Variants in PPIL4 observed in about 807,000 individuals in gnomAD.
PPIL4 encodes peptidylprolyl isomerase like 4.
A neutral mutation model predicts 69.1 loss-of-function variants in PPIL4; 50 were observed. The ratio of observed to expected loss-of-function variants is 0.72; its 90% confidence interval spans 0.58 to 0.92. The LOEUF is 0.92. PPIL4 is among the 40% of genes least tolerant of loss of function. PPIL4 has a pLI of 0.00. For missense variants in PPIL4, 480 were observed against 587.9 expected (o/e 0.82, Z 1.90); for synonymous variants, 193 against 191.6 (o/e 1.01, Z -0.06).
At chr6:149,507,237 C>T (rs1267567090) in intron 12 of PPIL4, among the ~76,000 whole-genome samples, 5 of 152,170 alleles carry the variant, frequency 3.3e-5, no homozygotes, top group African/African-American at 1.2e-4. Context: ...TGTCTAGATA[C>T]TGTACACCTT....
chr6:149,532,423 A>G lies in PPIL4; in HGVS notation c.678+1035T>C, dbSNP rs1049862785. ...TATTCTTTCTGCCCAATTGTTCAAC[A>G]TATCTTTCAAGTGTAGTAATTCTCT... On this transcript the variant is annotated intron_variant, in intron 7 of 12. Coordinates refer to ENST00000253329, the MANE Select transcript of PPIL4 (RefSeq NM_139126.4). Among the ~76,000 whole-genome samples the G allele has an allele frequency of 4.6e-5, 7 of 152,168 alleles. No individual in the cohort carries two copies. The South Asian group carries it at 1.4e-3, about 31-fold the overall frequency.
At chr6:149,541,714 A>G in intron 1 of PPIL4, 128 bp from the exon 2 acceptor site, 1 of 579,596 alleles carries the variant, frequency 1.7e-6, no homozygotes, top group Non-Finnish European at 3.0e-6. Context: ...GTCCAAAGCT[A>G]TAAAAAAGGG....
rs1777229027 is a variant in PPIL4, at chr6:149,533,472, T to C, written c.664A>G (p.Ile222Val). 1.9e-6 allele frequency: 3 copies of C among 1,567,162 alleles called. No homozygotes were observed. The highest frequency in any genetic ancestry group is 1.7e-5 in the Admixed American group (1 of 59,914). The stretch of plus-strand genomic sequence containing the variant: ...AATTATCTTACCATCTCCAAAAGTA[T>C]AGCCTGAGTTTTAGCCTCTTTTTCT... ...KAEKEAKTQAILLEMVGDLPD... is the reference protein window; with the variant it reads ...KAEKEAKTQAVLLEMVGDLPD... The change falls in exon 7 of 13, where the codon ATA becomes GTA. Residue 222 changes from isoleucine (I) to valine (V), a missense_variant. Transcript: ENST00000253329.
At chr6:149,523,037 T>G (rs117556249) in intron 9 of PPIL4, among the ~76,000 whole-genome samples, 4 of 152,322 alleles carry the variant, frequency 2.6e-5, no homozygotes, top group East Asian at 1.9e-4. Context: ...CAACAAAGCT[T>G]CTAAAAATAA....
chr6:149,509,074 A>G (rs889429725), intron 12 of PPIL4, among the ~76,000 whole-genome samples: 3 of 152,234 alleles, frequency 2.0e-5, no homozygotes, highest in African/African-American at 7.2e-5. Flanking sequence ...TAATGTAGCT[A>G]TATCATTAAA....
rs547093537 is a variant in PPIL4, at chr6:149,538,393, G to A, written c.321+2549C>T. Among the ~76,000 whole-genome samples the A allele has an allele frequency of 2.6e-5, 4 of 152,250 alleles. No individual in the cohort carries two copies. In the South Asian group the frequency reaches 8.3e-4, roughly 32 times the overall value. Reference sequence around the variant, plus strand: ...ACAGCCTGACATGTGGCATGCACCTGTAGTCCCAGCTACTCAGGAGGCTGA... The same window carrying A: ...ACAGCCTGACATGTGGCATGCACCTATAGTCCCAGCTACTCAGGAGGCTGA... On this transcript the variant is annotated intron_variant, in intron 4 of 12. Transcript: ENST00000253329.
chr6:149,529,837 GA>G (rs1472019809), intron 7 of PPIL4, among the ~76,000 whole-genome samples: 1 of 150,436 alleles, frequency 6.6e-6, no homozygotes, highest in Non-Finnish European at 1.5e-5. Context: ...AGGGAAGAAA[GA>G]AAAAAGGCAC....
At position 149,505,412 on chromosome 6, in the gene PPIL4, A is replaced by G; in HGVS notation, c.*41T>C. 6.4e-7 allele frequency: 1 copy of G among 1,572,588 alleles called. No individual in the cohort carries two copies. On this transcript the variant is annotated 3_prime_UTR_variant, in exon 13 of 13. Transcript: ENST00000253329. ...TTTCCTGGCACTCTTAAGTTAGACA[A>G]GAGTAAATATGTTAGCCTCTCAATT...
intron 10 of PPIL4, among the ~76,000 whole-genome samples, chr6:149,518,604 T>C (rs1248425991): frequency 6.6e-6 from 1 of 152,190 alleles, no homozygotes; most frequent in African/African-American, 2.4e-5. Context: ...GAAACAAAAG[T>C]GGCCAGCAAT....
chr6:149,522,913 G>C (rs905921817), intron 9 of PPIL4, among the ~76,000 whole-genome samples: 6 of 152,024 alleles, frequency 3.9e-5, no homozygotes, highest in African/African-American at 1.4e-4. Context: ...GCCTGGCCAG[G>C]ACAACCTTTT....
chr6:149,537,023 G>T (rs1447450543), intron 4 of PPIL4, among the ~76,000 whole-genome samples: 1 of 152,034 alleles, frequency 6.6e-6, no homozygotes. Flanking sequence ...CTACTCAGGA[G>T]GCTGAGGCAG....
intron 12 of PPIL4, among the ~76,000 whole-genome samples, chr6:149,507,220 C>T (rs1269793768): frequency 6.6e-6 from 1 of 152,142 alleles, no homozygotes; most frequent in Non-Finnish European, 1.5e-5. Context: ...TTAGTTATTC[C>T]ATATACTGTC....
At chr6:149,528,755 T>C (rs992678309) in intron 7 of PPIL4, among the ~76,000 whole-genome samples, 7 of 152,208 alleles carry the variant, frequency 4.6e-5, no homozygotes, top group African/African-American at 1.4e-4. Flanking sequence ...TCTGAACTCC[T>C]AGGTATTTAC....
rs1334982991 is a variant in PPIL4 at position 149,546,041 on chromosome 6, G to A, written c.-36C>T. ...CCTCCTCCGCTACAAACCCCGGGAG[G>A]AGGGGGGTGACAGGCGCAGGCCGAC... On this transcript the variant is annotated 5_prime_UTR_variant, in exon 1 of 13. Transcript: ENST00000253329. 5 of 1,550,222 alleles carry A rather than the reference G, an allele frequency of 3.2e-6. No homozygotes were observed. Among genetic ancestry groups the A allele is most frequent in the African/African-American group, 2.7e-5 (2 of 73,078 alleles).
chr6:149,515,045 C>T (rs1354168596), intron 11 of PPIL4, among the ~76,000 whole-genome samples: 3 of 152,008 alleles, frequency 2.0e-5, no homozygotes, highest in African/African-American at 7.2e-5. Flanking sequence ...TGCATGTTGG[C>T]CAGGCTGGTC....
chr6:149,539,638 G>A (rs1325602181), intron 4 of PPIL4, among the ~76,000 whole-genome samples: 2 of 152,010 alleles, frequency 1.3e-5, no homozygotes, highest in Admixed American at 6.6e-5. Context: ...CCTTGCCCCC[G>A]CAAAGTACTG....
intron 10 of PPIL4, among the ~76,000 whole-genome samples, chr6:149,520,114 A>G (rs1252970368): frequency 2.6e-5 from 4 of 152,228 alleles, no homozygotes; most frequent in African/African-American, 9.6e-5. Flanking sequence ...ATATACTGAT[A>G]TGAACTGATC....
intron 1 of PPIL4, among the ~76,000 whole-genome samples, chr6:149,543,354 T>G (rs1040587683): frequency 2.6e-5 from 4 of 152,150 alleles, no homozygotes; most frequent in Non-Finnish European, 5.9e-5. Context: ...AGAGAAATTC[T>G]ACAAGACAAA....
At chr6:149,505,797 G>C in intron 12 of PPIL4, 93 bp from the exon 13 acceptor site, 3 of 1,183,526 alleles carry the variant, frequency 2.5e-6, no homozygotes, top group Non-Finnish European at 3.6e-6. Context: ...TCTACCATTA[G>C]AAGGCTGTTA....
Sources: gnomAD v4.1 joint callset for allele counts (sites outside exome capture counted in the v4.1 genomes callset) on GRCh38, gnomAD v4.1.1 for gene constraint, MANE v1.5 for transcripts, NCBI Gene and HGNC (gene_info 2026-07-23, HGNC 2026-07-21) for gene names.